The following PARD3B variants were observed in gnomAD, a reference collection of about 807,000 sequenced individuals.
The protein encoded by PARD3B is par-3 family cell polarity regulator beta.
Under a neutral mutation model 130.2 loss-of-function variants are expected in PARD3B, and 103 were observed. The observed-to-expected ratio is 0.79, with a 90% CI of 0.67 to 0.93. The LOEUF is 0.93. PARD3B is among the 40% of genes least tolerant of loss of function. The pLI is 0.00. For synonymous variants in PARD3B, 583 were observed against 553.2 expected (o/e 1.05, Z -0.76); for missense variants, 1,609 against 1,499.2 (o/e 1.07, Z -1.21).
intron 2 of PARD3B, among the ~76,000 whole-genome samples, chr2:204,746,236 T>G (rs1443414835): frequency 6.7e-6 from 1 of 150,174 alleles, no homozygotes; most frequent in East Asian, 2.0e-4. Context: ...GCAGTGTTTG[T>G]TTTTTTGTGC....
chr2:205,191,174 C>T (rs1921802), intron 14 of PARD3B, among the ~76,000 whole-genome samples: 67,223 of 151,630 alleles, frequency 0.44, 15,058 homozygotes, highest in East Asian at 0.54. Context: ...TGGCAAATGC[C>T]TTAGGCCCTC....
intron 2 of PARD3B, among the ~76,000 whole-genome samples, chr2:204,900,937 G>C (rs2046830989): frequency 6.6e-6 from 1 of 152,118 alleles, no homozygotes; most frequent in Non-Finnish European, 1.5e-5. Context: ...ACCAGGCAGG[G>C]ACTCTTTCTC....
intron 2 of PARD3B, among the ~76,000 whole-genome samples, chr2:204,865,373 A>G (rs1459715047): frequency 2.6e-5 from 4 of 152,212 alleles, no homozygotes; most frequent in Non-Finnish European, 5.9e-5. Context: ...AGTCCAAATG[A>G]CTTCCATATG....
chr2:204,717,174 T>A (rs2038771633), intron 2 of PARD3B, among the ~76,000 whole-genome samples: 1 of 152,210 alleles, frequency 6.6e-6, no homozygotes, highest in African/African-American at 2.4e-5. Flanking sequence ...GAAGCATAAG[T>A]ACCTTTGTGT....
intron 19 of PARD3B, among the ~76,000 whole-genome samples, chr2:205,430,042 G>A (rs1384709032): frequency 6.6e-6 from 1 of 152,084 alleles, no homozygotes; most frequent in African/African-American, 2.4e-5. Context: ...GAGCCTATAT[G>A]GATAATCCAA....
chr2:205,323,477 A>G (rs957651666), intron 18 of PARD3B, among the ~76,000 whole-genome samples: 2 of 152,174 alleles, frequency 1.3e-5, no homozygotes, highest in Non-Finnish European at 2.9e-5. Flanking sequence ...TTTAATTATG[A>G]GTATGTGTAT....
rs1484540936 is a variant in PARD3B, at chr2:205,175,914, G to C, written c.1792-531G>C. Among the ~76,000 whole-genome samples the C allele has an allele frequency of 2.0e-5, 3 of 152,302 alleles. No individual in the cohort carries two copies. In the East Asian group the frequency reaches 5.8e-4, roughly 29 times the overall value. On this transcript the variant is annotated intron_variant, in intron 12 of 22. Transcript: ENST00000406610. ...GGAAATATAGGGGGGGAACCCTCAG[G>C]AGAACTGCTGTCTGGCGTCACAGCG...
intron 20 of PARD3B, among the ~76,000 whole-genome samples, chr2:205,465,529 A>T (rs746823124): frequency 6.6e-6 from 1 of 152,172 alleles, no homozygotes; most frequent in Non-Finnish European, 1.5e-5. Flanking sequence ...GTAAAGTCCA[A>T]ATTTATAAAC....
chr2:204,547,887 C>T (rs1481634091), intron 1 of PARD3B, among the ~76,000 whole-genome samples: 2 of 152,116 alleles, frequency 1.3e-5, no homozygotes, highest in African/African-American at 4.8e-5. Flanking sequence ...GGAAACGTAA[C>T]TTATAATATC....
At chr2:205,022,455 T>C (rs569983534) in intron 3 of PARD3B, among the ~76,000 whole-genome samples, 1 of 152,350 alleles carries the variant, frequency 6.6e-6, no homozygotes, top group East Asian at 1.9e-4. Context: ...TTGATTTTTC[T>C]CATAAAATAT....
chr2:205,215,691 A>G (rs1043892916), intron 15 of PARD3B, among the ~76,000 whole-genome samples: 3 of 152,102 alleles, frequency 2.0e-5, no homozygotes, highest in Non-Finnish European at 4.4e-5. Context: ...ATTTAAATGA[A>G]TGCTGCTTTC....
intron 2 of PARD3B, among the ~76,000 whole-genome samples, chr2:204,941,827 A>G (rs531716299): frequency 1.5e-5 from 2 of 136,922 alleles, no homozygotes; most frequent in African/African-American, 5.4e-5. Flanking sequence ...TTATTGCAAC[A>G]TTCTGAGTGT....
At position 204,903,294 on chromosome 2, in the gene PARD3B, T is replaced by C. The variant is rs1031187460; in HGVS notation, c.223-61858T>C. Among the ~76,000 whole-genome samples the C allele has an allele frequency of 4.6e-4, 70 of 152,110 alleles. 5 individuals are homozygous for C. Among genetic ancestry groups the C allele is most frequent in the Admixed American group, 6.5e-5 (1 of 15,280 alleles). On this transcript the variant is annotated intron_variant, in intron 2 of 22. Transcript: ENST00000406610. ...AATAGAACTTTCTTATGACTCAGAG[T>C]GAAAGACCATGCAAGGGCTAACATT...
At chr2:204,558,256 G>T (rs2031066239) in intron 1 of PARD3B, 1 of 152,178 alleles carries the variant, frequency 6.6e-6, no homozygotes, top group African/African-American at 2.4e-5. Flanking sequence ...TCTCTGAGTT[G>T]TCCCTGTTTG....
At chr2:204,546,875 G>C (rs771890083) in intron 1 of PARD3B, among the ~76,000 whole-genome samples, 1 of 152,206 alleles carries the variant, frequency 6.6e-6, no homozygotes, top group Non-Finnish European at 1.5e-5. Context: ...TGCAATACAT[G>C]TTGAGAAAAT....
chr2:205,214,289 A>C (rs2037798250), intron 15 of PARD3B, among the ~76,000 whole-genome samples: 1 of 152,112 alleles, frequency 6.6e-6, no homozygotes, highest in Non-Finnish European at 1.5e-5. Context: ...ACATAAACAC[A>C]GTGCCATGGG....
At chr2:204,841,063 C>T (rs2044242476) in intron 2 of PARD3B, among the ~76,000 whole-genome samples, 1 of 152,102 alleles carries the variant, frequency 6.6e-6, no homozygotes, top group Non-Finnish European at 1.5e-5. Flanking sequence ...TGATCAGTCA[C>T]CTTTGCTCAT....
intron 10 of PARD3B, among the ~76,000 whole-genome samples, chr2:205,144,401 G>C (rs1178649654): frequency 6.6e-6 from 1 of 152,168 alleles, no homozygotes; most frequent in East Asian, 1.9e-4. Flanking sequence ...TGCAGCATTT[G>C]TGTGACAGTA....
chr2:204,859,752 C>T (rs1448963453), intron 2 of PARD3B, among the ~76,000 whole-genome samples: 1 of 152,118 alleles, frequency 6.6e-6, no homozygotes, highest in Non-Finnish European at 1.5e-5. Flanking sequence ...AAATTCATAG[C>T]AGTAACAAAT....
Sources: allele counts gnomAD v4.1 joint callset (sites outside exome capture counted in the v4.1 genomes callset), GRCh38; gene constraint gnomAD v4.1.1; transcripts MANE v1.5; gene names NCBI Gene and HGNC (gene_info 2026-07-23, HGNC 2026-07-21).